TRAPPC8: variants seen among roughly 807,000 people sequenced by gnomAD.
The protein encoded by TRAPPC8 is general sporulation gene 1 homolog.
In TRAPPC8, 54 loss-of-function variants were observed where a neutral mutation model predicts 174.3. The ratio of observed to expected loss-of-function variants is 0.31; its 90% CI spans 0.25 to 0.39. The LOEUF is 0.39. TRAPPC8 is among the 10% of genes least tolerant of loss of function. The pLI is 1.00. For missense variants in TRAPPC8, 1,531 were observed against 1,699.1 expected (o/e 0.90, Z 1.74); for synonymous variants, 630 against 579.9 (o/e 1.09, Z -1.24).
At chr18:31,873,680 T>C in intron 13 of TRAPPC8, 142 bp from the exon 14 acceptor site, 2 of 568,416 alleles carry the variant, frequency 3.5e-6, no homozygotes, top group South Asian at 2.5e-5. Flanking sequence ...TTATTTCTCA[T>C]ATCAGTCATA....
At chr18:31,871,576 G>A (rs1299368420) in intron 14 of TRAPPC8, among the ~76,000 whole-genome samples, 2 of 151,790 alleles carry the variant, frequency 1.3e-5, no homozygotes, top group Non-Finnish European at 2.9e-5. Flanking sequence ...TCTTCCCAGA[G>A]GTATTCCAAA....
Position 31,880,093 on chromosome 18 carries a change from ATATAT to A in TRAPPC8, c.1729-5394_1729-5390del, listed in dbSNP as rs1568082747. Among the ~76,000 whole-genome samples the A allele has an allele frequency of 9.5e-3, 600 of 63,298 alleles. 15 individuals are homozygous for A. Among genetic ancestry groups the A allele is most frequent in the African/African-American group, 0.034 (549 of 15,968 alleles). The allele number at this position is 63,298 out of a possible 152,430, so 41.5% of individuals were successfully genotyped here. A position where few individuals can be genotyped will look rare whatever the true frequency, so the allele number is the denominator to read the frequency against. ...TACTGAAACTATTGAAAAAAAAAATATATATATATATATATATATATATATATATT... is the reference window on the plus strand; with the variant it reads ...TACTGAAACTATTGAAAAAAAAAATAATATATATATATATATATATATATT... On this transcript the variant is annotated intron_variant, in intron 12 of 28. Coordinates refer to ENST00000283351, the MANE Select transcript of TRAPPC8 (RefSeq NM_014939.5).
chr18:31,896,799 T>C (rs2145402180), intron 11 of TRAPPC8, among the ~76,000 whole-genome samples: 1 of 152,292 alleles, frequency 6.6e-6, no homozygotes, highest in East Asian at 1.9e-4. Context: ...AATTTTTGTA[T>C]TTTTAGTAGA....
Position 31,844,050 on chromosome 18 carries a change from CATA to C in TRAPPC8, c.3837+2663_3837+2665del, listed in dbSNP as rs2033252321. Reference sequence around the variant, plus strand: ...GGTACATTTCCTTACTTTCTGCCACCATAATATCTTCTGGTTCATCTTGCATTT... The same window carrying C: ...GGTACATTTCCTTACTTTCTGCCACCATATCTTCTGGTTCATCTTGCATTT... On this transcript the variant is annotated intron_variant, in intron 26 of 28. Coordinates refer to ENST00000283351, the MANE Select transcript of TRAPPC8 (RefSeq NM_014939.5). Among the ~76,000 whole-genome samples the C allele has an allele frequency of 2.0e-5, 3 of 152,242 alleles. No homozygotes were observed. The South Asian group carries it at 6.2e-4, about 32-fold the overall frequency.
intron 27 of TRAPPC8, chr18:31,832,457 A>G (rs2032429363): frequency 6.4e-6 from 1 of 156,444 alleles, no homozygotes; most frequent in Non-Finnish European, 1.4e-5. Flanking sequence ...GTTTCTAGAT[A>G]TTTCACAAAA....
At chr18:31,843,181 T>G (rs2033198660) in intron 26 of TRAPPC8, among the ~76,000 whole-genome samples, 1 of 152,178 alleles carries the variant, frequency 6.6e-6, no homozygotes. Flanking sequence ...CTCTTATATT[T>G]AAAAATAACA....
chr18:31,877,975 GCAAGGCCCAATT>G (rs1352300122), intron 12 of TRAPPC8, among the ~76,000 whole-genome samples: 1 of 151,368 alleles, frequency 6.6e-6, no homozygotes, highest in East Asian at 1.9e-4. Context: ...TGCAGGAAGG[GCAAGGCCCAATT>G]CCCCCTCCCT....
chr18:31,864,521 T>G, intron 19 of TRAPPC8, 106 bp downstream of exon 19: 1 of 1,045,850 alleles, frequency 9.6e-7, no homozygotes, highest in South Asian at 1.6e-5. Flanking sequence ...AATTTAAAAG[T>G]ATAGTTCAAT....
chr18:31,937,532 A>C (rs1384224954), intron 1 of TRAPPC8: 2 of 152,108 alleles, frequency 1.3e-5, no homozygotes, highest in East Asian at 3.8e-4. Context: ...CAAAAAAAAA[A>C]CTGCTCACTT....
In TRAPPC8 at chr18:31,850,379, T is replaced by C. The variant is rs530080437; in HGVS notation, c.3562-640A>G. On this transcript the variant is annotated intron_variant, in intron 24 of 28. Transcript: ENST00000283351. Reference sequence around the variant, plus strand: ...TCACCAAGAAAATAAAAATAAAATGTTGAAAACCTGTATTTTAAAATGACA... The same window carrying C: ...TCACCAAGAAAATAAAAATAAAATGCTGAAAACCTGTATTTTAAAATGACA... 3.3e-5 allele frequency among the ~76,000 whole-genome samples: 5 copies of C among 152,332 alleles called. No individual in the cohort carries two copies. In the East Asian group the frequency reaches 9.6e-4, roughly 29 times the overall value.
intron 18 of TRAPPC8, among the ~76,000 whole-genome samples, chr18:31,865,363 T>C (rs912157671): frequency 2.6e-5 from 4 of 152,036 alleles, no homozygotes; most frequent in African/African-American, 9.7e-5. Flanking sequence ...TGCATGTATG[T>C]GTGAAAAAAG....
At chr18:31,858,508 T>C (rs997622366) in intron 19 of TRAPPC8, among the ~76,000 whole-genome samples, 9 of 152,188 alleles carry the variant, frequency 5.9e-5, no homozygotes, top group South Asian at 4.1e-4. Flanking sequence ...TAGTAACTCA[T>C]GTGGGGGCAA....
chr18:31,868,736 T>C (rs1429149944), intron 16 of TRAPPC8, among the ~76,000 whole-genome samples: 1 of 152,156 alleles, frequency 6.6e-6, no homozygotes, highest in East Asian at 1.9e-4. Context: ...AAGATCTTGC[T>C]CTGTCTCCCA....
intron 26 of TRAPPC8, among the ~76,000 whole-genome samples, chr18:31,846,300 G>A (rs987622313): frequency 6.6e-5 from 10 of 152,228 alleles, no homozygotes; most frequent in African/African-American, 1.9e-4. Context: ...ATGGCAGTGC[G>A]TGGTAGCTCA....
chr18:31,879,759 G>C (rs946147819), intron 12 of TRAPPC8, among the ~76,000 whole-genome samples: 1 of 151,714 alleles, frequency 6.6e-6, no homozygotes, highest in African/African-American at 2.4e-5. Flanking sequence ...ATTTTAATAA[G>C]CACAATCAGA....
At position 31,908,978 on chromosome 18, in the gene TRAPPC8, G is replaced by A; in HGVS notation, c.898C>T (p.Leu300Phe). The change falls in exon 7 of 29, where the codon CTT becomes TTT. Residue 300 changes from leucine to phenylalanine, a missense_variant. Physicochemically the swap from Leu to Phe is conservative, Grantham distance 22. Transcript: ENST00000283351. The stretch of plus-strand genomic sequence containing the variant: ...GGGTCACTGGATTGCTCCAACTGAA[G>A]TGGGTGAGCTCTAAAGTTATTTGGT... ...GLPNNFRAHP[L>F]QLEQSSDPSN... is the part of the protein sequence containing the mutation. 1 of 1,611,596 alleles carries A rather than the reference G, an allele frequency of 6.2e-7. No homozygotes were observed. The highest frequency in any genetic ancestry group is 8.5e-7 in the Non-Finnish European group (1 of 1,178,698).
At chr18:31,868,892 G>A (rs1470374617) in intron 16 of TRAPPC8, among the ~76,000 whole-genome samples, 1 of 151,820 alleles carries the variant, frequency 6.6e-6, no homozygotes, top group African/African-American at 2.4e-5. Flanking sequence ...TGTAGAGATG[G>A]GGGTCTCACT....
chr18:31,847,335 CTATAT>C (rs1179265705), intron 25 of TRAPPC8, among the ~76,000 whole-genome samples: 1 of 152,150 alleles, frequency 6.6e-6, no homozygotes, highest in African/African-American at 2.4e-5. Flanking sequence ...CTGACTTTAT[CTATAT>C]TATAATACTT....
At chr18:31,866,519 T>G (rs1166674139) in intron 18 of TRAPPC8, among the ~76,000 whole-genome samples, 1 of 152,032 alleles carries the variant, frequency 6.6e-6, no homozygotes, top group Non-Finnish European at 1.5e-5. Flanking sequence ...AAAGAACATA[T>G]TAAGATGGTT....
Sources: gnomAD v4.1 joint callset for allele counts (sites outside exome capture counted in the v4.1 genomes callset) on GRCh38, gnomAD v4.1.1 for gene constraint, MANE v1.5 for transcripts, NCBI Gene and HGNC (gene_info 2026-07-23, HGNC 2026-07-21) for gene names.